ZNF490: variants seen among roughly 807,000 people sequenced by gnomAD.
The protein encoded by ZNF490 is zinc finger protein 490.
In ZNF490, 11 loss-of-function variants were observed where a neutral mutation model predicts 17.7. The observed-to-expected ratio is 0.62, with a 90% CI of 0.39 to 1.03. ZNF490 has a LOEUF of 1.03. ZNF490 is among the 50% of genes least tolerant of loss of function. ZNF490 has a pLI of 0.00. For synonymous variants in ZNF490, 222 were observed against 216.1 expected (o/e 1.03, Z -0.24); for missense variants, 542 against 643.4 (o/e 0.84, Z 1.71).
intron 3 of ZNF490, 106 bp downstream of exon 3, chr19:12,583,324 C>A: frequency 7.5e-7 from 1 of 1,332,614 alleles, no homozygotes; most frequent in Non-Finnish European, 1.0e-6. Context: ...CAGGCGCGAG[C>A]CACCGTGCCT....
chr19:12,577,541 TGA>T lies in ZNF490; in HGVS notation c.*2942_*2943del, dbSNP rs2022660958. 1.4e-6 allele frequency: 1 copy of T among 739,326 alleles called. No homozygotes were observed. Among genetic ancestry groups the T allele is most frequent in the Non-Finnish European group, 1.6e-6 (1 of 631,168 alleles). The allele number at this position is 739,326 out of a possible 1,614,324, so 45.8% of individuals were successfully genotyped here. A position where few individuals can be genotyped will look rare whatever the true frequency, so the allele number is the denominator to read the frequency against. Reference sequence around the variant, plus strand: ...TGGTGAGAGAAGCGAATGTTCCTGGTGAGAGAAGCGAAGGTGTGCATCTCCTG... The same window carrying T: ...TGGTGAGAGAAGCGAATGTTCCTGGTGAGAAGCGAAGGTGTGCATCTCCTG... On this transcript the variant is annotated 3_prime_UTR_variant, in exon 5 of 5. Transcript: ENST00000311437.
intron 2 of ZNF490, among the ~76,000 whole-genome samples, chr19:12,601,886 C>T (rs1194472756): frequency 6.6e-6 from 1 of 151,126 alleles, no homozygotes; most frequent in Non-Finnish European, 1.5e-5. Flanking sequence ...CCCAGCTACT[C>T]AGGAGGCTGA....
intron 2 of ZNF490, among the ~76,000 whole-genome samples, chr19:12,607,262 C>T (rs1204229054): frequency 6.6e-6 from 1 of 151,206 alleles, no homozygotes; most frequent in Non-Finnish European, 1.5e-5. Context: ...ATGATCTCGG[C>T]TCACTGCAAC....
rs1328971136 is a variant in ZNF490 at position 12,581,619 on chromosome 19, T to A, written c.456A>T (p.Gly152=). 1 of 1,614,180 alleles carries A rather than the reference T, an allele frequency of 6.2e-7. No individual in the cohort carries two copies. Among genetic ancestry groups the A allele is most frequent in the Admixed American group, 1.7e-5 (1 of 60,016 alleles). ...ACACACTGCAGTCACATGGTTTTAATCCAGTAGGAGTTTCCAGGTTCGTAT... is the reference window on the plus strand; with the variant it reads ...ACACACTGCAGTCACATGGTTTTAAACCAGTAGGAGTTTCCAGGTTCGTAT... The part of the protein sequence containing the change: ...DLNTNLETPT[G]LKPCDCSVCG... The change falls in exon 5 of 5, where the codon GGA becomes GGT. Residue 152 remains glycine, a synonymous_variant. Coordinates refer to ENST00000311437, the MANE Select transcript of ZNF490 (RefSeq NM_020714.3).
At chr19:12,599,874 T>C (rs1362897830) in intron 2 of ZNF490, among the ~76,000 whole-genome samples, 3 of 152,198 alleles carry the variant, frequency 2.0e-5, no homozygotes, top group Non-Finnish European at 4.4e-5. Flanking sequence ...ACATATTGGC[T>C]AAAGTTAAAG....
chr19:12,583,956 G>T (rs1421267608), intron 2 of ZNF490, among the ~76,000 whole-genome samples: 1 of 150,546 alleles, frequency 6.6e-6, no homozygotes. Context: ...GACTACAGGC[G>T]CCCACCACCA....
Position 12,579,670 on chromosome 19 carries a change from G to A in ZNF490, c.*815C>T, listed in dbSNP as rs539594258. The A allele has an allele frequency of 6.6e-6, 1 of 152,346 alleles. No homozygotes were observed. The highest frequency in any genetic ancestry group is 1.9e-4 in the East Asian group (1 of 5,190). The allele number at this position is 152,346 out of a possible 1,614,324, so 9.4% of individuals were successfully genotyped here. A position where few individuals can be genotyped will look rare whatever the true frequency, so the allele number is the denominator to read the frequency against. ...TACTAAAAATATAAAAATTAGCTGG[G>A]CATGGTGGTGGGCACTTGTAATCCC... is the stretch of plus-strand genomic sequence containing the variant. On this transcript the variant is annotated 3_prime_UTR_variant, in exon 5 of 5. Transcript: ENST00000311437.
intron 2 of ZNF490, among the ~76,000 whole-genome samples, chr19:12,608,002 A>G (rs1223852503): frequency 2.0e-5 from 3 of 152,212 alleles, no homozygotes; most frequent in African/African-American, 7.2e-5. Context: ...GTCAATAACC[A>G]AATCGTGGTT....
chr19:12,582,973 C>CT, intron 3 of ZNF490, 63 bp from the exon 4 acceptor site: 1 of 1,340,996 alleles, frequency 7.5e-7, no homozygotes, highest in Non-Finnish European at 1.1e-6. Flanking sequence ...TTATAACACT[C>CT]TAAGATCCAT....
chr19:12,583,599 C>T (rs757706920), intron 2 of ZNF490, 43 bp from the exon 3 acceptor site: 22 of 1,519,962 alleles, frequency 1.4e-5, no homozygotes, highest in East Asian at 1.0e-4. Flanking sequence ...GAGAGAGATT[C>T]GCAGTAGTGA....
At chr19:12,591,682 CTGAG>C (rs1394094950) in intron 2 of ZNF490, among the ~76,000 whole-genome samples, 4 of 151,926 alleles carry the variant, frequency 2.6e-5, no homozygotes, top group African/African-American at 9.7e-5. Context: ...ATAAATAAAA[CTGAG>C]TAAGATATTA....
At chr19:12,603,382 G>C (rs555864972) in intron 2 of ZNF490, among the ~76,000 whole-genome samples, 1 of 152,182 alleles carries the variant, frequency 6.6e-6, no homozygotes, top group South Asian at 2.1e-4. Context: ...AGCTACTTGA[G>C]AGGTTGAGGT....
chr19:12,592,130 G>A (rs2022880424), intron 2 of ZNF490, among the ~76,000 whole-genome samples: 1 of 152,210 alleles, frequency 6.6e-6, no homozygotes, highest in South Asian at 2.1e-4. Flanking sequence ...GAGGTCAGGA[G>A]ATCGAGACTA....
intron 2 of ZNF490, among the ~76,000 whole-genome samples, chr19:12,589,548 G>A (rs1195093095): frequency 6.7e-6 from 1 of 148,722 alleles, no homozygotes; most frequent in African/African-American, 2.5e-5. Context: ...ACTAGGAATA[G>A]AAGGGAATTT....
intron 2 of ZNF490, among the ~76,000 whole-genome samples, chr19:12,589,888 A>G (rs2022846908): frequency 2.0e-5 from 2 of 101,538 alleles, no homozygotes; most frequent in Non-Finnish European, 4.9e-5. Context: ...GTATGTATGT[A>G]TGTATGTATG....
chr19:12,577,796 G>T lies in ZNF490; in HGVS notation c.*2689C>A. ...AGATCACTTCTGGGACCCACCCAGG[G>T]AGACTGTTGTTACGAGGGTGGATGG... is the stretch of plus-strand genomic sequence containing the variant. On this transcript the variant is annotated 3_prime_UTR_variant, in exon 5 of 5. Coordinates refer to ENST00000311437, the MANE Select transcript of ZNF490 (RefSeq NM_020714.3). The T allele has an allele frequency of 1.0e-6, 1 of 985,530 alleles. No homozygotes were observed. The highest frequency in any genetic ancestry group is 1.2e-6 in the Non-Finnish European group (1 of 829,994). 61.0% of individuals were successfully genotyped at this position (985,530 alleles called of 1,614,324 possible). A position where few individuals can be genotyped will look rare whatever the true frequency, so the allele number is the denominator to read the frequency against.
rs1237380188 is a variant in ZNF490 at position 12,610,565 on chromosome 19, T to C, written c.116A>G (p.Gln39Arg). ...AACATTATGCCAAGCCCCTGGTACC[T>C]GGAGGACATCAGACCCTCCTGTTCC... Reference protein sequence around the residue: ...RTGTGGSDVLQMQNSEHHGQS... With the variant: ...RTGTGGSDVLRMQNSEHHGQS... Residue 39 changes from glutamine (Q) to arginine (R), a missense_variant and splice_region_variant, in exon 1 of 5, where the codon CAG becomes CGG. By Grantham distance (43) the Gln-to-Arg change is conservative. Coordinates refer to ENST00000311437, the MANE Select transcript of ZNF490 (RefSeq NM_020714.3). The C allele has an allele frequency of 1.2e-6, 2 of 1,612,492 alleles. No individual in the cohort carries two copies. The highest frequency in any genetic ancestry group is 2.2e-5 in the South Asian group (2 of 91,008).
rs575775799 is a variant in ZNF490, at chr19:12,576,572, T to C, written c.*3913A>G. ...GCTCACGCCTGTAATCCCAGCACTT[T>C]GGGGAGACCGAGGTGGGTGGATCAC... On this transcript the variant is annotated 3_prime_UTR_variant, in exon 5 of 5. Coordinates refer to ENST00000311437, the MANE Select transcript of ZNF490 (RefSeq NM_020714.3). Among the ~76,000 whole-genome samples, 127 of 151,626 alleles carry C rather than the reference T, an allele frequency of 8.4e-4. No homozygotes were observed. The highest frequency in any genetic ancestry group is 2.7e-3 in the African/African-American group (113 of 41,332).
At chr19:12,603,458 A>G (rs945023021) in intron 2 of ZNF490, among the ~76,000 whole-genome samples, 11 of 152,076 alleles carry the variant, frequency 7.2e-5, no homozygotes, top group Non-Finnish European at 1.6e-4. Context: ...ACTGCACTCC[A>G]GCCTAGGTGA....
Sources: gnomAD v4.1 joint callset for allele counts (sites outside exome capture counted in the v4.1 genomes callset) on GRCh38, gnomAD v4.1.1 for gene constraint, MANE v1.5 for transcripts, NCBI Gene and HGNC (gene_info 2026-07-23, HGNC 2026-07-21) for gene names.